HABP2: variants seen among roughly 807,000 people sequenced by gnomAD.
The protein encoded by HABP2 is factor VII-activating protease.
In HABP2, 65 loss-of-function variants were observed where a neutral mutation model predicts 66.5. The ratio of observed to expected loss-of-function variants is 0.98; its 90% CI spans 0.80 to 1.20. The LOEUF is 1.20. HABP2 is among the 50% of genes most tolerant of loss of function. The pLI, the probability that HABP2 is intolerant of heterozygous loss-of-function variation, is 0.00. For missense variants in HABP2, 786 were observed against 691.0 expected (o/e 1.14, Z -1.54); for synonymous variants, 263 against 253.9 (o/e 1.04, Z -0.34).
At chr10:113,563,989 C>A (rs1341610524) in intron 1 of HABP2, among the ~76,000 whole-genome samples, 1 of 152,150 alleles carries the variant, frequency 6.6e-6, no homozygotes, top group Non-Finnish European at 1.5e-5. Context: ...TCCTTGAAGT[C>A]TTAGTGTATT....
intron 12 of HABP2, among the ~76,000 whole-genome samples, chr10:113,586,977 CA>C (rs1845649729): frequency 6.6e-6 from 1 of 152,090 alleles, no homozygotes; most frequent in Admixed American, 6.6e-5. Context: ...CAGATGGGTG[CA>C]ATTTGCCCTA....
intron 6 of HABP2, among the ~76,000 whole-genome samples, 200 bp downstream of exon 6, chr10:113,578,345 C>A (rs758975611): frequency 6.6e-6 from 1 of 152,192 alleles, no homozygotes; most frequent in Non-Finnish European, 1.5e-5. Flanking sequence ...GCAAGTCAAA[C>A]CACTTGGGCA....
Position 113,567,671 on chromosome 10 carries a change from C to G in HABP2, c.106+146C>G, listed in dbSNP as rs1592688104. On this transcript the variant is annotated intron_variant, in intron 2 of 12. Coordinates refer to ENST00000351270, the MANE Select transcript of HABP2 (RefSeq NM_004132.5). ...TCACAGGCACCTTTGAGAACTTGCC[C>G]TCAAAATTTGTGCACCCACAATGCT... 2.2e-5 allele frequency: 15 copies of G among 681,988 alleles called. No individual in the cohort carries two copies. In the East Asian group the frequency reaches 4.1e-4, roughly 18 times the overall value. 42.2% of individuals were successfully genotyped at this position (681,988 alleles called of 1,614,324 possible).
intron 1 of HABP2, among the ~76,000 whole-genome samples, chr10:113,563,299 C>T (rs1423117269): frequency 1.3e-5 from 2 of 152,218 alleles, no homozygotes; most frequent in Non-Finnish European, 1.5e-5. Context: ...GAGGCAAATA[C>T]TGTGTCCACC....
rs780649236 is a variant in HABP2, at chr10:113,578,761, G to A, written c.703G>A (p.Ala235Thr). 7 of 1,612,590 alleles carry A rather than the reference G, an allele frequency of 4.3e-6. No individual in the cohort carries two copies. Among genetic ancestry groups the A allele is most frequent in the Admixed American group, 1.7e-5 (1 of 60,006 alleles). The change falls in exon 7 of 13, where the codon GCT (alanine) becomes ACT (threonine). Residue 235 changes from alanine (A) to threonine (T), a missense_variant. Coordinates refer to ENST00000351270, the MANE Select transcript of HABP2 (RefSeq NM_004132.5). ...GAATTACAACATGTTTATGGAGGAT[G>A]CTGAAACCCATGGGATTGGGGAACA... ...QENYNMFMED[A>T]ETHGIGEHNF... is the part of the protein sequence containing the mutation.
At chr10:113,579,473 T>C (rs1052153199) in intron 7 of HABP2, among the ~76,000 whole-genome samples, 2 of 152,198 alleles carry the variant, frequency 1.3e-5, no homozygotes, top group Non-Finnish European at 2.9e-5. Context: ...AATAATCACA[T>C]GAGCCCACGT....
In HABP2 at chr10:113,583,273, A is replaced by G. The variant is rs2133782425; in HGVS notation, c.1152A>G (p.Glu384=). The G allele has an allele frequency of 6.2e-7, 1 of 1,612,972 alleles. No homozygotes were observed. Among genetic ancestry groups the G allele is most frequent in the East Asian group, 2.2e-5 (1 of 44,880 alleles). Residue 384 remains glutamate (E), a synonymous_variant, in exon 10 of 13, where the codon GAA becomes GAG. Coordinates refer to ENST00000351270, the MANE Select transcript of HABP2 (RefSeq NM_004132.5). ...GGGACCAGGACCTGAAGAAAGAAGAATTTCATGAGCAGAGCTTTAGGGTGG... is the reference window on the plus strand; with the variant it reads ...GGGACCAGGACCTGAAGAAAGAAGAGTTTCATGAGCAGAGCTTTAGGGTGG... The part of the protein sequence containing the change: ...VLGDQDLKKE[E]FHEQSFRVEK...
At chr10:113,586,341 T>C (rs1448699291) in intron 12 of HABP2, among the ~76,000 whole-genome samples, 2 of 151,962 alleles carry the variant, frequency 1.3e-5, no homozygotes, top group Non-Finnish European at 2.9e-5. Flanking sequence ...AGGGCAGCCT[T>C]TCTGAGAATC....
At position 113,588,912 on chromosome 10, in the gene HABP2, T is replaced by C. The variant is rs1845745628; in HGVS notation, c.*543T>C. On this transcript the variant is annotated 3_prime_UTR_variant, in exon 13 of 13. Transcript: ENST00000351270. ...CCAGCTTGCCGAAATCAAAGCCATC[T>C]GAAGCCTGTCTCTGGTGAACAAACT... is the stretch of plus-strand genomic sequence containing the variant. 3.0e-6 allele frequency: 4 copies of C among 1,338,728 alleles called. No individual in the cohort carries two copies. The highest frequency in any genetic ancestry group is 4.6e-5 in the East Asian group (2 of 43,516). 82.9% of individuals were successfully genotyped at this position (1,338,728 alleles called of 1,614,324 possible). A position where few individuals can be genotyped will look rare whatever the true frequency, so the allele number is the denominator to read the frequency against.
At chr10:113,571,686 G>A (rs1845314881) in intron 2 of HABP2, among the ~76,000 whole-genome samples, 1 of 152,116 alleles carries the variant, frequency 6.6e-6, no homozygotes, top group African/African-American at 2.4e-5. Flanking sequence ...GAACTTGAGG[G>A]CGCCAGGCCT....
At chr10:113,563,608 G>C (rs533556719) in intron 1 of HABP2, among the ~76,000 whole-genome samples, 1 of 151,822 alleles carries the variant, frequency 6.6e-6, no homozygotes, top group African/African-American at 2.4e-5. Flanking sequence ...GTTTCCCTCC[G>C]AGCGCCAGCT....
chr10:113,584,238 C>T lies in HABP2; in HGVS notation c.1328C>T (p.Ser443Phe). 2 of 1,613,862 alleles carry T rather than the reference C, an allele frequency of 1.2e-6. No homozygotes were observed. Among genetic ancestry groups the T allele is most frequent in the Non-Finnish European group, 1.7e-6 (2 of 1,179,718 alleles). The change falls in exon 11 of 13, where the codon TCT becomes TTT. Residue 443 changes from serine to phenylalanine, a missense_variant. Physicochemically the swap from Ser to Phe is radical, Grantham distance 155. Coordinates refer to ENST00000351270, the MANE Select transcript of HABP2 (RefSeq NM_004132.5). ...TVCLPDGSFP[S>F]GSECHISGWG... ...TGCTTGCCTGATGGGTCCTTTCCCT[C>T]TGGGAGTGAGTGCCACATCTCTGGC...
At chr10:113,577,128 T>C (rs1592695473) in intron 4 of HABP2, 22 bp from the exon 5 acceptor site, 3 of 1,314,172 alleles carry the variant, frequency 2.3e-6, no homozygotes, top group Non-Finnish European at 3.3e-6. Context: ...AAATAATGTC[T>C]TATGTTATGG....
At chr10:113,562,662 C>G (rs1336646089) in intron 1 of HABP2, among the ~76,000 whole-genome samples, 2 of 152,194 alleles carry the variant, frequency 1.3e-5, no homozygotes, top group African/African-American at 2.4e-5. Context: ...CCAAGCTGGT[C>G]TCCAACTCCT....
At chr10:113,566,108 T>C (rs3850688) in intron 1 of HABP2, among the ~76,000 whole-genome samples, 94,596 of 152,106 alleles carry the variant, frequency 0.62, 30,030 homozygotes, top group East Asian at 0.73. Flanking sequence ...GCAGCAAATA[T>C]ACCAAACTGC....
intron 8 of HABP2, among the ~76,000 whole-genome samples, chr10:113,581,449 A>T (rs1845529211): frequency 6.6e-6 from 1 of 152,214 alleles, no homozygotes; most frequent in Admixed American, 6.5e-5. Context: ...TCATCTGAAT[A>T]TCCTCCCCTC....
At chr10:113,552,638 T>C (rs1844918042), upstream of HABP2, among the ~76,000 whole-genome samples, 2 of 152,230 alleles carry the variant, frequency 1.3e-5, no homozygotes, top group African/African-American at 4.8e-5. Context: ...CTCATGAATA[T>C]AAAGTGTGAT....
In HABP2 at chr10:113,582,141, G is replaced by A. The variant is rs376981372; in HGVS notation, c.1094+10G>A. ...CTGCCCACTGCACCGAGTAGGTGCC[G>A]CTGGGAGCAGGGACCAGGGTGGCTT... On this transcript the variant is annotated intron_variant, in intron 9 of 12. Transcript: ENST00000351270. 37 of 1,595,806 alleles carry A rather than the reference G, an allele frequency of 2.3e-5. No individual in the cohort carries two copies. The highest frequency in any genetic ancestry group is 1.6e-4 in the Admixed American group (9 of 57,524).
At chr10:113,578,514 G>T in intron 6 of HABP2, 113 bp from the exon 7 acceptor site, 1 of 723,294 alleles carries the variant, frequency 1.4e-6, no homozygotes, top group East Asian at 2.5e-5. Flanking sequence ...AAATCTCAGG[G>T]CGATAAATAT....
Sources: gnomAD v4.1 joint callset for allele counts (sites outside exome capture counted in the v4.1 genomes callset) on GRCh38, gnomAD v4.1.1 for gene constraint, MANE v1.5 for transcripts, NCBI Gene and HGNC (gene_info 2026-07-23, HGNC 2026-07-21) for gene names.